Variants in GSE1 observed in about 807,000 individuals in gnomAD.
GSE1 encodes Gse1 coiled-coil protein.
Under a neutral mutation model 112.6 loss-of-function variants are expected in GSE1, and 32 were observed. That is an observed-to-expected ratio of 0.28 (90% CI 0.21 to 0.38). GSE1 has a LOEUF of 0.38. Ranked by LOEUF, GSE1 falls within the 10% of genes least tolerant of loss-of-function variation. The pLI is 1.00. For missense variants in GSE1, 2,348 were observed against 1,699.2 expected (o/e 1.38, Z -6.71); for synonymous variants, 1,115 against 735.6 (o/e 1.52, Z -8.35).
intron 2 of GSE1, among the ~76,000 whole-genome samples, chr16:85,369,942 G>A (rs958730488): frequency 3.9e-5 from 6 of 152,198 alleles, no homozygotes; most frequent in Admixed American, 6.5e-5. Flanking sequence ...TGCATTCTGC[G>A]TCACCCCGGG....
chr16:85,431,406 A>C (rs1038534973), intron 2 of GSE1, among the ~76,000 whole-genome samples: 3 of 152,228 alleles, frequency 2.0e-5, no homozygotes, highest in African/African-American at 7.2e-5. Flanking sequence ...TCTGATTTTT[A>C]AATGTTGGCA....
chr16:85,248,733 C>T (rs998468616), intron 1 of GSE1, among the ~76,000 whole-genome samples: 1 of 152,212 alleles, frequency 6.6e-6, no homozygotes, highest in Admixed American at 6.5e-5. Flanking sequence ...TGGCTGGAGC[C>T]ATCTCCCCCC....
rs2044264755 is a variant in GSE1 at position 85,534,699 on chromosome 16, G to T, written c.2465-99215G>T. ...CCGTGAGCTCGGGTGTGCAATGTCT[G>T]TTGGGGCCCTCCCGTCGCTTCTTTT... On this transcript the variant is annotated intron_variant, in intron 2 of 2. Coordinates refer to the GSE1 transcript ENST00000637419. Among the ~76,000 whole-genome samples the T allele has an allele frequency of 2.0e-5, 3 of 152,350 alleles. No individual in the cohort carries two copies. The South Asian group carries it at 6.2e-4, about 32-fold the overall frequency.
At chr16:85,552,060 C>G (rs1485080937), upstream of GSE1, among the ~76,000 whole-genome samples, 2 of 151,984 alleles carry the variant, frequency 1.3e-5, no homozygotes, top group African/African-American at 2.4e-5. Flanking sequence ...GAGTCTCGCT[C>G]TGTCGCCCAG....
intron 1 of GSE1, among the ~76,000 whole-genome samples, chr16:85,253,048 A>G (rs1281990292): frequency 7.5e-5 from 7 of 93,796 alleles, no homozygotes; most frequent in Admixed American, 4.2e-4. Context: ...TCCAGCTCAT[A>G]GGCGCCCCCG....
chr16:85,296,220 C>A (rs1045531731), intron 1 of GSE1, among the ~76,000 whole-genome samples: 1 of 152,130 alleles, frequency 6.6e-6, no homozygotes, highest in Non-Finnish European at 1.5e-5. Flanking sequence ...CGTCCCTCCC[C>A]GTGGCCAGTC....
intron 2 of GSE1, among the ~76,000 whole-genome samples, chr16:85,466,167 G>A (rs2050115199): frequency 1.3e-5 from 2 of 152,352 alleles, no homozygotes; most frequent in Admixed American, 1.3e-4. Context: ...AAGGACAAGG[G>A]CGGCTCATCC....
chr16:85,172,194 AGAGAGGTCTCCGTGCTCACCCGGTT>A (rs2074370683), intron 1 of GSE1, among the ~76,000 whole-genome samples: 2 of 152,204 alleles, frequency 1.3e-5, no homozygotes, highest in Admixed American at 1.3e-4. Flanking sequence ...TGCGGGTCAC[AGAGAGGTCTCCGTGCTCACCCGGTT>A]TGAAACACAT....
At chr16:85,554,295 G>C (rs116025716), upstream of GSE1, among the ~76,000 whole-genome samples, 2 of 152,280 alleles carry the variant, frequency 1.3e-5, no homozygotes, top group African/African-American at 4.8e-5. Context: ...GGGCCTTCTT[G>C]AGCTGGTGTG....
At chr16:85,215,714 G>A (rs1390664428) in intron 1 of GSE1, among the ~76,000 whole-genome samples, 1 of 152,200 alleles carries the variant, frequency 6.6e-6, no homozygotes, top group African/African-American at 2.4e-5. Flanking sequence ...AGCACTTGGG[G>A]ATCAGGGAGT....
At chr16:85,600,311 A>T (rs1316683598) in intron 1 of GSE1, among the ~76,000 whole-genome samples, 2 of 152,186 alleles carry the variant, frequency 1.3e-5, no homozygotes, top group Non-Finnish European at 2.9e-5. Context: ...CCCTGTGCCC[A>T]AATGGCCAGG....
At chr16:85,624,844 G>A (rs568446310) in intron 1 of GSE1, among the ~76,000 whole-genome samples, 24 of 152,362 alleles carry the variant, frequency 1.6e-4, no homozygotes, top group South Asian at 1.0e-3. Flanking sequence ...ACAGGGTGGC[G>A]GAGGGGCTGG....
chr16:85,437,451 T>A (rs2049275741), intron 2 of GSE1, among the ~76,000 whole-genome samples: 2 of 151,988 alleles, frequency 1.3e-5, no homozygotes, highest in Non-Finnish European at 2.9e-5. Context: ...GTATGGTGCC[T>A]GGGAGGAGAA....
intron 2 of GSE1, among the ~76,000 whole-genome samples, chr16:85,548,756 AG>A (rs1157274358): frequency 2.0e-5 from 3 of 152,152 alleles, no homozygotes; most frequent in African/African-American, 7.2e-5. Context: ...CATTGAGTTT[AG>A]GCCCACCCTA....
intron 1 of GSE1, among the ~76,000 whole-genome samples, chr16:85,176,109 C>T (rs1399711234): frequency 6.6e-6 from 1 of 152,236 alleles, no homozygotes; most frequent in African/African-American, 2.4e-5. Flanking sequence ...CCACCCCAGT[C>T]TTCTGAGTAG....
Position 85,666,322 on chromosome 16 carries a change from C to A in GSE1, c.3105C>A (p.Thr1035=). 6.2e-7 allele frequency: 1 copy of A among 1,613,748 alleles called. No homozygotes were observed. The highest frequency in any genetic ancestry group is 8.5e-7 in the Non-Finnish European group (1 of 1,179,972). ...HQFHESVLQS[T]QKALQKHKGS... Reference sequence around the variant, plus strand: ...TCCACGAGTCAGTGCTGCAGTCCACCCAGAAGGCCCTGCAGAAGCATAAAG... The same window carrying A: ...TCCACGAGTCAGTGCTGCAGTCCACACAGAAGGCCCTGCAGAAGCATAAAG... Residue 1035 remains threonine (T), a synonymous_variant, in exon 13 of 16, where the codon ACC becomes ACA. Coordinates refer to ENST00000253458, the MANE Select transcript of GSE1 (RefSeq NM_014615.5).
At chr16:85,410,429 CCCCCTGGATAATCCTCACTGTTACACTCA>C (rs2048488794) in intron 2 of GSE1, among the ~76,000 whole-genome samples, 2 of 11,722 alleles carry the variant, frequency 1.7e-4, no homozygotes, top group Non-Finnish European at 4.4e-4. Context: ...ACACTCAGGG[CCCCCTGGATAATCCTCACTGTTACACTCA>C]GGGCCCCCCT....
At chr16:85,201,662 AC>A (rs2075031591) in intron 1 of GSE1, among the ~76,000 whole-genome samples, 1 of 151,280 alleles carries the variant, frequency 6.6e-6, no homozygotes. Context: ...AAAAAAAAAA[AC>A]AACAACAAAA....
chr16:85,256,800 C>A (rs1907132898), intron 1 of GSE1, among the ~76,000 whole-genome samples: 1 of 152,390 alleles, frequency 6.6e-6, no homozygotes, highest in Non-Finnish European at 1.5e-5. Context: ...ACGTTTTACT[C>A]TCCAGCTTTG....
Sources: gnomAD v4.1 joint callset for allele counts (sites outside exome capture counted in the v4.1 genomes callset) on GRCh38, gnomAD v4.1.1 for gene constraint, MANE v1.5 for transcripts, NCBI Gene and HGNC (gene_info 2026-07-23, HGNC 2026-07-21) for gene names.